Variants in RAB44 observed in about 807,000 individuals in gnomAD.
RAB44 encodes ras-related protein Rab-44.
RAB44 carries 67 observed loss-of-function variants against 93.3 expected under a neutral mutation model. The ratio of observed to expected loss-of-function variants is 0.72; its 90% confidence interval spans 0.59 to 0.88. RAB44 has a LOEUF of 0.88. RAB44 is among the 40% of genes least tolerant of loss of function. RAB44 has a pLI of 0.00. For missense variants in RAB44, 1,064 were observed against 1,261.7 expected (o/e 0.84, Z 2.37); for synonymous variants, 427 against 520.3 (o/e 0.82, Z 2.44).
intron 2 of RAB44, among the ~76,000 whole-genome samples, chr6:36,707,783 T>C (rs1378821240): frequency 6.6e-6 from 1 of 152,202 alleles, no homozygotes; most frequent in Admixed American, 6.5e-5. Flanking sequence ...CAGGCAGGCA[T>C]TGGAAAGGAG....
chr6:36,725,526 G>A (rs1056802801), intron 9 of RAB44, among the ~76,000 whole-genome samples: 1 of 152,170 alleles, frequency 6.6e-6, no homozygotes, highest in Non-Finnish European at 1.5e-5. Flanking sequence ...CTGCTGTCTC[G>A]TTAAGAGAGG....
intron 2 of RAB44, among the ~76,000 whole-genome samples, chr6:36,708,094 C>T (rs1762693822): frequency 1.3e-5 from 2 of 152,036 alleles, no homozygotes; most frequent in Middle Eastern, 3.4e-3. Context: ...CACCTGCAGT[C>T]CCAGCTACTT....
At position 36,732,175 on chromosome 6, in the gene RAB44, C is replaced by G. The variant is rs1476070050; in HGVS notation, c.*82C>G. On this transcript the variant is annotated 3_prime_UTR_variant, in exon 14 of 14. Transcript: ENST00000612677. ...CCTGTCCTTTGTTCCTGGACAGCAACGACACAGAGGACCAGCTTGGAGGTT... is the reference window on the plus strand; with the variant it reads ...CCTGTCCTTTGTTCCTGGACAGCAAGGACACAGAGGACCAGCTTGGAGGTT... The G allele has an allele frequency of 2.2e-6, 2 of 899,934 alleles. No individual in the cohort carries two copies. Among genetic ancestry groups the G allele is most frequent in the Non-Finnish European group, 1.5e-6 (1 of 683,788 alleles). The allele number at this position is 899,934 out of a possible 1,614,324, so 55.7% of individuals were successfully genotyped here.
chr6:36,721,932 C>G lies in RAB44; in HGVS notation c.1798C>G (p.Pro600Ala), dbSNP rs182774229. 1,578 of 1,234,708 alleles carry G rather than the reference C, an allele frequency of 1.3e-3. 7 individuals are homozygous for G. In the Middle Eastern group the frequency reaches 0.018, roughly 14 times the overall value. 76.5% of individuals were successfully genotyped at this position (1,234,708 alleles called of 1,614,324 possible). The change falls in exon 9 of 14, where the codon CCA becomes GCA. Residue 600 changes from proline to alanine, a missense_variant. Physicochemically the swap from Pro to Ala is conservative, Grantham distance 27 (BLOSUM62 -1). Transcript: ENST00000612677. ...QQDLHATGSE[P>A]RLGTQRARAL... ...GGACCTGCATGCCACTGGCTCTGAG[C>G]CAAGACTGGGGACCCAGAGGGCTAG...
Position 36,707,449 on chromosome 6 carries a change from T to C in RAB44, c.207+3007T>C, listed in dbSNP as rs1258851085. On this transcript the variant is annotated intron_variant, in intron 2 of 13. Transcript: ENST00000612677. ...GAGCTTCCTTACAGATCTATTAAAG[T>C]AGAACAATAAAAAATAATATCAACT... Among the ~76,000 whole-genome samples, 5 of 152,130 alleles carry C rather than the reference T, an allele frequency of 3.3e-5. No individual in the cohort carries two copies. The East Asian group carries it at 9.6e-4, about 29-fold the overall frequency.
At chr6:36,703,287 G>A (rs116419921) in intron 1 of RAB44, among the ~76,000 whole-genome samples, 3 of 152,156 alleles carry the variant, frequency 2.0e-5, no homozygotes, top group South Asian at 2.1e-4. Flanking sequence ...AGGCCCCATC[G>A]CCCAACACTG....
In RAB44 at chr6:36,730,786, C is replaced by T. The variant is rs373044133; in HGVS notation, c.2975+37C>T. Reference sequence around the variant, plus strand: ...CCGCCCCCCGCCGCCCCCACCCCCCCCCTTGCAGAATCCTCTGGGACAGCT... The same window carrying T: ...CCGCCCCCCGCCGCCCCCACCCCCCTCCTTGCAGAATCCTCTGGGACAGCT... On this transcript the variant is annotated intron_variant, in intron 13 of 13. Coordinates refer to ENST00000612677, the MANE Select transcript of RAB44 (RefSeq NM_001257357.2). 94 of 1,091,960 alleles carry T rather than the reference C, an allele frequency of 8.6e-5. No individual in the cohort carries two copies. The South Asian group carries it at 8.9e-4, about 10-fold the overall frequency. The allele number at this position is 1,091,960 out of a possible 1,614,324, so 67.6% of individuals were successfully genotyped here.
chr6:36,726,614 G>A (rs375415413), intron 10 of RAB44, among the ~76,000 whole-genome samples: 22 of 152,042 alleles, frequency 1.4e-4, no homozygotes, highest in African/African-American at 4.8e-4. Context: ...TCTATAAATA[G>A]ACTCATATGA....
chr6:36,731,989 G>T lies in RAB44; in HGVS notation c.2976-14G>T. ...AGGTGAGAGAGAGGCCTGATGCCTG[G>T]CACTGTCACATAGGTCACTCAGGAT... On this transcript the variant is annotated splice_polypyrimidine_tract_variant and intron_variant, in intron 13 of 13. Coordinates refer to ENST00000612677, the MANE Select transcript of RAB44 (RefSeq NM_001257357.2). The surrounding 1 kb of genome is among the most constrained non-coding windows in gnomAD (Gnocchi z 4.0). The T allele has an allele frequency of 4.1e-6, 5 of 1,233,094 alleles. No homozygotes were observed. The highest frequency in any genetic ancestry group is 5.1e-6 in the Non-Finnish European group (5 of 987,634). The allele number at this position is 1,233,094 out of a possible 1,614,324, so 76.4% of individuals were successfully genotyped here.
chr6:36,715,445 A>G, intron 3 of RAB44, 34 bp from the exon 4 acceptor site: 1 of 1,532,314 alleles, frequency 6.5e-7, no homozygotes, highest in Non-Finnish European at 8.7e-7. Context: ...GCCCAACACC[A>G]CTGTGCTCCC....
chr6:36,712,465 A>G (rs1762811130), intron 2 of RAB44, among the ~76,000 whole-genome samples: 1 of 152,146 alleles, frequency 6.6e-6, no homozygotes, highest in East Asian at 1.9e-4. Flanking sequence ...CCCGGTTTCA[A>G]GTGATTCCCC....
intron 2 of RAB44, among the ~76,000 whole-genome samples, chr6:36,712,983 C>T (rs1762824659): frequency 6.6e-6 from 1 of 152,236 alleles, no homozygotes; most frequent in Admixed American, 6.5e-5. Flanking sequence ...CTTGGGGATT[C>T]CCTCTCTGAG....
At chr6:36,709,611 A>G (rs9470375) in intron 2 of RAB44, among the ~76,000 whole-genome samples, 28,066 of 152,120 alleles carry the variant, frequency 0.18, 4,322 homozygotes, top group African/African-American at 0.43. Flanking sequence ...GCTGTAGTGC[A>G]GTGGCGCAAT....
At position 36,722,059 on chromosome 6, in the gene RAB44, A is replaced by C. The variant is rs2150337957; in HGVS notation, c.1925A>C (p.Gln642Pro). ...CAGGGCCAGGCGGGCCCAGCGGTGC[A>C]GGAGGGCCTTCCTGAGGGGCTAAGA... ...LEQGQAGPAV[Q>P]EGLPEGLREA... Residue 642 changes from glutamine to proline, a missense_variant, in exon 9 of 14, where the codon CAG (glutamine) becomes CCG (proline). Physicochemically the swap from Gln to Pro is moderately conservative, Grantham distance 76. Coordinates refer to ENST00000612677, the MANE Select transcript of RAB44 (RefSeq NM_001257357.2). 11 of 1,234,564 alleles carry C rather than the reference A, an allele frequency of 8.9e-6. 1 individual carries two copies. The South Asian group carries it at 4.1e-4, about 46-fold the overall frequency. 76.5% of individuals were successfully genotyped at this position (1,234,564 alleles called of 1,614,324 possible). A position where few individuals can be genotyped will look rare whatever the true frequency, so the allele number is the denominator to read the frequency against.
chr6:36,699,321 A>G (rs902504393), intron 1 of RAB44, among the ~76,000 whole-genome samples: 7 of 152,142 alleles, frequency 4.6e-5, no homozygotes, highest in Admixed American at 4.6e-4. Context: ...GGAATGCCAC[A>G]TGTCCTAGGA....
At chr6:36,715,729 G>T in intron 4 of RAB44, 76 bp downstream of exon 4, 1 of 1,431,720 alleles carries the variant, frequency 7.0e-7, no homozygotes, top group South Asian at 1.3e-5. Flanking sequence ...GGACACAGCA[G>T]GGGTCAAGGG....
At chr6:36,710,611 G>A (rs1762760792) in intron 2 of RAB44, among the ~76,000 whole-genome samples, 1 of 105,780 alleles carries the variant, frequency 9.5e-6, no homozygotes, top group Non-Finnish European at 1.7e-5. Flanking sequence ...GCAGTGGCAT[G>A]ATCTTGGCTC....
rs1034273863 is a variant in RAB44, at chr6:36,704,336, C to T, written c.101C>T (p.Ala34Val). 2.0e-6 allele frequency: 3 copies of T among 1,536,146 alleles called. No homozygotes were observed. The Middle Eastern group carries it at 5.0e-4, about 256-fold the overall frequency. ...GCTGATGGTGAAGGCGCTGCAGTGG[C>T]CCCAGAGCCAGAGTCTTGGTCCTCT... ...EPADGEGAAVAPEPESWSSQA... is the reference protein window; with the variant it reads ...EPADGEGAAVVPEPESWSSQA... The change falls in exon 2 of 14, where the codon GCC (alanine) becomes GTC (valine). Residue 34 changes from alanine (A) to valine (V), a missense_variant. Coordinates refer to ENST00000612677, the MANE Select transcript of RAB44 (RefSeq NM_001257357.2).
intron 1 of RAB44, among the ~76,000 whole-genome samples, chr6:36,699,055 G>A (rs1346508920): frequency 6.6e-6 from 1 of 152,134 alleles, no homozygotes; most frequent in African/African-American, 2.4e-5. Context: ...ACCTGATGGT[G>A]ACAAGTGACT....
Sources: allele counts gnomAD v4.1 joint callset (sites outside exome capture counted in the v4.1 genomes callset), GRCh38; gene constraint gnomAD v4.1.1; non-coding constraint Gnocchi (gnomAD v3.1); transcripts MANE v1.5; gene names NCBI Gene and HGNC (gene_info 2026-07-23, HGNC 2026-07-21).